TMEM131: variants seen among roughly 807,000 people sequenced by gnomAD.
TMEM131 encodes the protein 2610524E03Rik.
TMEM131 carries 66 observed loss-of-function variants against 211.6 expected under a neutral mutation model. That is an observed-to-expected ratio of 0.31 (90% confidence interval 0.26 to 0.38). The LOEUF is 0.38. TMEM131 is among the 10% of genes least tolerant of loss of function. TMEM131 has a pLI of 1.00. For synonymous variants in TMEM131, 844 were observed against 841.3 expected (o/e 1.00, Z -0.06); for missense variants, 2,036 against 2,299.3 (o/e 0.89, Z 2.34).
rs1322588084 is a variant in TMEM131, at chr2:97,835,027, AT to A, written c.805-103del. 3 of 1,194,606 alleles carry A rather than the reference AT, an allele frequency of 2.5e-6. No homozygotes were observed. In the African/African-American group the frequency reaches 4.6e-5, roughly 18 times the overall value. 74.0% of individuals were successfully genotyped at this position (1,194,606 alleles called of 1,614,324 possible). ...ACACTGACTGAAAGATGAGTATTCT[AT>A]ATACCTATTAATAAAAAAAATGCAT... On this transcript the variant is annotated intron_variant, in intron 8 of 40. Coordinates refer to ENST00000186436, the MANE Select transcript of TMEM131 (RefSeq NM_015348.2).
chr2:97,935,480 C>G (rs1677403653), intron 1 of TMEM131, among the ~76,000 whole-genome samples: 1 of 152,070 alleles, frequency 6.6e-6, no homozygotes, highest in Non-Finnish European at 1.5e-5. Flanking sequence ...TCTACCTGCT[C>G]AATAGTTTAT....
chr2:97,955,113 A>G (rs548860903), intron 1 of TMEM131, among the ~76,000 whole-genome samples: 2 of 152,292 alleles, frequency 1.3e-5, no homozygotes, highest in East Asian at 3.9e-4. Flanking sequence ...ATCTAGTAAT[A>G]TAGAAAAAGG....
intron 22 of TMEM131, among the ~76,000 whole-genome samples, chr2:97,803,541 G>A (rs1471805652): frequency 6.6e-6 from 1 of 152,208 alleles, no homozygotes; most frequent in East Asian, 1.9e-4. Flanking sequence ...ACTAAACGCT[G>A]AAGCATATTT....
At chr2:97,892,144 C>A (rs1462870948) in intron 3 of TMEM131, among the ~76,000 whole-genome samples, 2 of 152,116 alleles carry the variant, frequency 1.3e-5, no homozygotes, top group Admixed American at 1.3e-4. Flanking sequence ...ATAATGTTGA[C>A]CATCTTTCCA....
At chr2:97,810,441 G>GT (rs1422492507) in intron 18 of TMEM131, among the ~76,000 whole-genome samples, 2 of 152,228 alleles carry the variant, frequency 1.3e-5, no homozygotes, top group African/African-American at 4.8e-5. Context: ...GGCCAATTCT[G>GT]TTTATTTTAT....
intron 7 of TMEM131, among the ~76,000 whole-genome samples, chr2:97,840,374 G>T (rs562988143): frequency 1.2e-4 from 19 of 152,290 alleles, no homozygotes; most frequent in African/African-American, 4.6e-4. Context: ...GCACCCTTGG[G>T]GCACCCTGTT....
intron 4 of TMEM131, among the ~76,000 whole-genome samples, chr2:97,885,463 C>G (rs1339980062): frequency 6.6e-6 from 1 of 151,928 alleles, no homozygotes; most frequent in African/African-American, 2.4e-5. Flanking sequence ...GCTGGGATTA[C>G]AGGCGTGAGC....
chr2:97,810,027 C>T (rs1035262662), intron 18 of TMEM131, among the ~76,000 whole-genome samples: 1 of 151,778 alleles, frequency 6.6e-6, no homozygotes. Flanking sequence ...GACTAAACAA[C>T]GGGGAAGCAA....
In TMEM131 at chr2:97,793,584, G is replaced by A. The variant is rs201848653; in HGVS notation, c.3387-31C>T. 1.8e-5 allele frequency: 29 copies of A among 1,572,242 alleles called. No individual in the cohort carries two copies. The African/African-American group carries it at 2.6e-4, about 14-fold the overall frequency. On this transcript the variant is annotated intron_variant, in intron 29 of 40. Coordinates refer to ENST00000186436, the MANE Select transcript of TMEM131 (RefSeq NM_015348.2). ...GGGGTAAAAAAAATTGGAAAATCAG[G>A]ATTCATTTGTTAGTAGACAAGCAAC...
intron 1 of TMEM131, among the ~76,000 whole-genome samples, chr2:97,943,197 A>G (rs1450563251): frequency 2.6e-5 from 4 of 151,958 alleles, no homozygotes; most frequent in Non-Finnish European, 5.9e-5. Flanking sequence ...ACAGCGAGCT[A>G]TGACTGTACC....
chr2:97,983,998 C>T (rs942822449), intron 1 of TMEM131, among the ~76,000 whole-genome samples: 2 of 152,178 alleles, frequency 1.3e-5, no homozygotes, highest in African/African-American at 4.8e-5. Flanking sequence ...CAATAGGAAA[C>T]TAACACAGAG....
rs1411458126 is a variant in TMEM131, at chr2:97,841,736, T to G, written c.723+79A>C. 20 of 1,419,578 alleles carry G rather than the reference T, an allele frequency of 1.4e-5. No individual in the cohort carries two copies. In the East Asian group the frequency reaches 3.2e-4, roughly 23 times the overall value. The allele number at this position is 1,419,578 out of a possible 1,614,324, so 87.9% of individuals were successfully genotyped here. Reference sequence around the variant, plus strand: ...TATTATTTTAAATAGTCTTGGAAACTGTAACAAACTGAGATTTCATGCTAA... The same window carrying G: ...TATTATTTTAAATAGTCTTGGAAACGGTAACAAACTGAGATTTCATGCTAA... On this transcript the variant is annotated intron_variant, in intron 7 of 40. Coordinates refer to ENST00000186436, the MANE Select transcript of TMEM131 (RefSeq NM_015348.2).
intron 4 of TMEM131, among the ~76,000 whole-genome samples, chr2:97,866,626 G>A (rs564221812): frequency 1.4e-4 from 22 of 152,114 alleles, no homozygotes; most frequent in African/African-American, 4.8e-4. Flanking sequence ...GAGATATTTT[G>A]GTGTGTATAT....
intron 3 of TMEM131, among the ~76,000 whole-genome samples, chr2:97,898,204 CTA>C (rs940083777): frequency 1.7e-4 from 26 of 151,956 alleles, no homozygotes; most frequent in African/African-American, 6.3e-4. Context: ...AGCTGATGCT[CTA>C]TGTCTTAAAC....
At chr2:97,964,685 A>G (rs1678968009) in intron 1 of TMEM131, among the ~76,000 whole-genome samples, 2 of 152,370 alleles carry the variant, frequency 1.3e-5, no homozygotes, top group South Asian at 4.1e-4. Flanking sequence ...TAAAATGTCT[A>G]ACCATATCTC....
At chr2:97,873,836 C>T (rs779304215) in intron 4 of TMEM131, among the ~76,000 whole-genome samples, 14 of 152,282 alleles carry the variant, frequency 9.2e-5, no homozygotes, top group East Asian at 3.9e-4. Flanking sequence ...CACAACTCCT[C>T]GCCAGCAAGG....
intron 5 of TMEM131, among the ~76,000 whole-genome samples, chr2:97,849,714 TCTC>T (rs1316276947): frequency 3.2e-5 from 4 of 123,508 alleles, no homozygotes; most frequent in Non-Finnish European, 3.4e-5. Context: ...TATCTCTCTC[TCTC>T]TTTTTTTTTT....
At chr2:97,786,831 C>T (rs975179514) in intron 31 of TMEM131, among the ~76,000 whole-genome samples, 1 of 152,216 alleles carries the variant, frequency 6.6e-6, no homozygotes, top group Non-Finnish European at 1.5e-5. Context: ...GTCTCTGTAA[C>T]AGAGCCACGA....
rs1016859868 is a variant in TMEM131 at position 97,995,737 on chromosome 2, C to T, written c.-75G>A. ...GGCGAGGCGGCGGCGGCGCGGAAGC[C>T]GTGGTCCGGGCTCTGGCCGCGGCGC... On this transcript the variant is annotated 5_prime_UTR_variant, in exon 1 of 41. Coordinates refer to ENST00000186436, the MANE Select transcript of TMEM131 (RefSeq NM_015348.2). 9.1e-7 allele frequency: 1 copy of T among 1,098,996 alleles called. No homozygotes were observed. Among genetic ancestry groups the T allele is most frequent in the Non-Finnish European group, 1.1e-6 (1 of 890,088 alleles). The allele number at this position is 1,098,996 out of a possible 1,614,324, so 68.1% of individuals were successfully genotyped here.
Sources: gnomAD v4.1 joint callset for allele counts (sites outside exome capture counted in the v4.1 genomes callset) on GRCh38, gnomAD v4.1.1 for gene constraint, MANE v1.5 for transcripts, NCBI Gene and HGNC (gene_info 2026-07-23, HGNC 2026-07-21) for gene names.